Variants in LAMA1 observed in about 807,000 individuals in gnomAD.
The protein encoded by LAMA1 is laminin subunit alpha 1, also known as laminin subunit alpha-1.
A neutral mutation model predicts 348.7 loss-of-function variants in LAMA1; 219 were observed. The observed-to-expected ratio is 0.63, with a 90% CI of 0.56 to 0.70. The LOEUF (loss-of-function observed/expected upper bound fraction) is 0.70, where lower values mean the gene tolerates loss of function less well. Among genes scored for constraint, LAMA1 ranks in the 30% least tolerant of loss-of-function variants. The pLI, the probability that LAMA1 is intolerant of heterozygous loss-of-function variation, is 0.00. For synonymous variants in LAMA1, 1,487 were observed against 1,491.0 expected, an observed-to-expected ratio of 1.00 and a Z score of 0.06; for missense variants, 3,744 against 3,888.0, an observed-to-expected ratio of 0.96 and a Z score of 0.99.
intron 47 of LAMA1, chr18:6,972,291 T>C (rs543801226): frequency 1.1e-5 from 4 of 376,534 alleles, no homozygotes; most frequent in South Asian, 8.8e-5. Context: ...AGGGCCCAGC[T>C]GGACCTGAGA....
chr18:6,959,918 T>C (rs1164356047), intron 53 of LAMA1: 1 of 253,210 alleles, frequency 3.9e-6, no homozygotes, highest in East Asian at 9.8e-5. Context: ...ATTTGAAGGA[T>C]GTGAAAATGT....
At chr18:7,089,595 G>A (rs565828323) in intron 1 of LAMA1, among the ~76,000 whole-genome samples, 13 of 152,364 alleles carry the variant, frequency 8.5e-5, no homozygotes, top group African/African-American at 1.7e-4. Context: ...ATGACCTGGC[G>A]TGGGCCTGGC....
intron 1 of LAMA1, among the ~76,000 whole-genome samples, chr18:7,116,060 C>T (rs572751880): frequency 2.0e-5 from 3 of 152,130 alleles, no homozygotes; most frequent in Admixed American, 6.5e-5. Flanking sequence ...ACAGGGAATG[C>T]GATATGAAAC....
At chr18:6,943,444 A>G (rs111241094) in intron 61 of LAMA1, 42 bp from the exon 62 acceptor site, 1 of 1,501,852 alleles carries the variant, frequency 6.7e-7, no homozygotes, top group Non-Finnish European at 9.3e-7. Context: ...TATTTAAGGA[A>G]CACAGTCCAT....
intron 1 of LAMA1, among the ~76,000 whole-genome samples, chr18:7,111,540 G>T (rs2058335889): frequency 6.6e-6 from 1 of 152,166 alleles, no homozygotes; most frequent in African/African-American, 2.4e-5. Context: ...AAAATACAAT[G>T]AATCCAGCTA....
chr18:6,958,597 C>G lies in LAMA1; in HGVS notation c.7844G>C (p.Ser2615Thr). ...CAGATTGGACACATTTATCGTCCTG[C>G]TTTCTACTAATGTGCCCAACTTCAT... ...VEMKLGTLVE[S>T]RTINVSNLYV... is the part of the protein sequence containing the mutation. The change falls in exon 55 of 63, where the codon AGC (serine) becomes ACC (threonine). Residue 2615 changes from serine to threonine, a missense_variant. Transcript: ENST00000389658. 1.9e-6 allele frequency: 3 copies of G among 1,614,160 alleles called. No homozygotes were observed. Among genetic ancestry groups the G allele is most frequent in the Non-Finnish European group, 2.5e-6 (3 of 1,179,988 alleles).
intron 54 of LAMA1, 112 bp from the exon 55 acceptor site, chr18:6,958,774 A>C: frequency 1.1e-6 from 1 of 922,644 alleles, no homozygotes; most frequent in Non-Finnish European, 1.7e-6. Flanking sequence ...AGTTCCCTAA[A>C]GGTTCATTTT....
chr18:7,089,722 C>T (rs1426690856), intron 1 of LAMA1, among the ~76,000 whole-genome samples: 1 of 152,182 alleles, frequency 6.6e-6, no homozygotes. Context: ...ATTTCTTGCA[C>T]TTGATGCTCC....
Position 7,023,164 on chromosome 18 carries a change from C to T in LAMA1, c.2701G>A (p.Ala901Thr), listed in dbSNP as rs1278702503. ...CCTGACTTCACGCTCACGCACTCAC[C>T]GCGGCAGTTCTTGGCTGTCACAGCG... Reference protein sequence around the residue: ...GDAVTAKNCRACECHVKGSHS... With the variant: ...GDAVTAKNCRTCECHVKGSHS... Residue 901 changes from alanine to threonine, a missense_variant and splice_region_variant, in exon 19 of 63, where the codon GCC becomes ACC. Ala to Thr is a moderately conservative substitution (Grantham distance 58). Around this residue, in one of 3 missense-constraint regions of LAMA1, gnomAD observed 1,529 missense variants for 1,689.4 expected, o/e 0.91. Transcript: ENST00000389658. 4 of 1,611,626 alleles carry T rather than the reference C, an allele frequency of 2.5e-6. No homozygotes were observed. Among genetic ancestry groups the T allele is most frequent in the Admixed American group, 3.3e-5 (2 of 59,902 alleles).
At chr18:7,015,616 G>T in intron 22 of LAMA1, 106 bp downstream of exon 22, 6 of 1,200,534 alleles carry the variant, frequency 5.0e-6, no homozygotes, top group Admixed American at 1.8e-5. Context: ...AATTCACAAA[G>T]CTATTCAACA....
At chr18:7,038,385 C>G (rs2058004946) in intron 11 of LAMA1, among the ~76,000 whole-genome samples, 1 of 152,148 alleles carries the variant, frequency 6.6e-6, no homozygotes, top group South Asian at 2.1e-4. Context: ...AACCCTGCAC[C>G]ACGTGCCGCT....
At position 7,038,946 on chromosome 18, in the gene LAMA1, T is replaced by C. The variant is rs200035723; in HGVS notation, c.1427A>G (p.Asn476Ser). Residue 476 changes from asparagine to serine, a missense_variant, in exon 11 of 63, where the codon AAC becomes AGC. By Grantham distance (46) the Asn-to-Ser change is conservative. Around this residue, in one of 3 missense-constraint regions of LAMA1, gnomAD observed 1,529 missense variants for 1,689.4 expected, o/e 0.91. Transcript: ENST00000389658. ...GCGATCACAGGCCTTCCCCTCAACG[T>C]TTTCCTGTAAGTTAGGGTAAAAGAT... ...PCTGPCVCKE[N>S]VEGKACDRCK... 6.0e-5 allele frequency: 96 copies of C among 1,613,138 alleles called. No individual in the cohort carries two copies. In the Middle Eastern group the frequency reaches 2.0e-3, roughly 33 times the overall value.
chr18:6,971,923 T>C lies in LAMA1; in HGVS notation c.6833A>G (p.Asn2278Ser), dbSNP rs2057660296. Residue 2278 changes from asparagine to serine, a missense_variant, in exon 48 of 63, where the codon AAT becomes AGT. Asn to Ser is a conservative substitution (Grantham distance 46). Transcript: ENST00000389658. ...GTTCCATAGGCCTATGGATTTTCCA[T>C]TCAGGAAGGCCTCCCCCAAGCAGCC... ...FKGCLGEAFL[N>S]GKSIGLWNYI... is the part of the protein sequence containing the mutation. 3 of 1,614,122 alleles carry C rather than the reference T, an allele frequency of 1.9e-6. No individual in the cohort carries two copies. Among genetic ancestry groups the C allele is most frequent in the East Asian group, 2.2e-5 (1 of 44,858 alleles).
At chr18:6,967,897 T>C (rs1311875710) in intron 48 of LAMA1, among the ~76,000 whole-genome samples, 1 of 151,760 alleles carries the variant, frequency 6.6e-6, no homozygotes, top group Non-Finnish European at 1.5e-5. Flanking sequence ...CTGGGTTCTC[T>C]CCCCAAACAG....
chr18:6,977,909 G>A (rs2057689916), intron 43 of LAMA1, 28 bp from the exon 44 acceptor site: 2 of 1,607,080 alleles, frequency 1.2e-6, no homozygotes, highest in African/African-American at 1.3e-5. Context: ...GCAAGGGGTG[G>A]CAAGAAAGTT....
intron 11 of LAMA1, chr18:7,038,590 T>C: frequency 1.5e-6 from 1 of 649,688 alleles, no homozygotes; most frequent in Non-Finnish European, 2.7e-6. Flanking sequence ...TGCCACATCA[T>C]CCTGTTTTTT....
chr18:7,100,247 AGCATCTGAAAAGATGC>A, intron 1 of LAMA1, among the ~76,000 whole-genome samples: 1 of 152,276 alleles, frequency 6.6e-6, no homozygotes. Context: ...ATGGCTAAGA[AGCATCTGAAAAGATGC>A]TCAATGTCAT....
chr18:7,098,781 G>T (rs2058276615), intron 1 of LAMA1, among the ~76,000 whole-genome samples: 1 of 128,826 alleles, frequency 7.8e-6, no homozygotes, highest in African/African-American at 2.9e-5. Flanking sequence ...CCTCTGCCCG[G>T]CCACCCCTAC....
At chr18:6,947,572 A>G (rs1256628810) in intron 60 of LAMA1, among the ~76,000 whole-genome samples, 1 of 152,012 alleles carries the variant, frequency 6.6e-6, no homozygotes, top group Non-Finnish European at 1.5e-5. Flanking sequence ...GCCCTGCCTC[A>G]CCCTGTGGAC....
Sources: allele counts gnomAD v4.1 joint callset (sites outside exome capture counted in the v4.1 genomes callset), GRCh38; gene constraint gnomAD v4.1.1; regional missense constraint gnomAD v4.1.1; transcripts MANE v1.5; gene names NCBI Gene and HGNC (gene_info 2026-07-23, HGNC 2026-07-21).